Variants in PNCK observed in about 807,000 individuals in gnomAD.
PNCK encodes the protein pregnancy up-regulated nonubiquitous CaM kinase, also known as calcium/calmodulin-dependent protein kinase type 1B.
Under a neutral mutation model 28.3 loss-of-function variants are expected in PNCK, and 21 were observed. That is an observed-to-expected ratio of 0.74 (90% CI 0.53 to 1.07). PNCK has a LOEUF of 1.07. PNCK is among the 50% of genes least tolerant of loss of function. The pLI is 0.00. For missense variants in PNCK, 250 were observed against 298.3 expected (o/e 0.84, Z 1.19); for synonymous variants, 136 against 125.2 (o/e 1.09, Z -0.58).
intron 11 of PNCK, 98 bp downstream of exon 11, chrX:153,670,352 G>A (rs2091277923): frequency 2.7e-6 from 3 of 1,123,063 alleles, no homozygotes; most frequent in South Asian, 4.0e-5. Flanking sequence ...TGGCCTGTGG[G>A]GGCCACCCCA....
chrX:153,684,893 C>T (rs1358790619), intron 1 of PNCK, among the ~76,000 whole-genome samples: 1 of 99,460 alleles, frequency 1.0e-5, no homozygotes, highest in Admixed American at 1.1e-4. Flanking sequence ...CCCCCAGCCC[C>T]AGCTGGGGCC....
chrX:153,682,663 T>C (rs1478697958), intron 1 of PNCK, among the ~76,000 whole-genome samples: 2 of 111,807 alleles, frequency 1.8e-5, no homozygotes, highest in Non-Finnish European at 3.8e-5. Context: ...TGTGATTTGT[T>C]TCTGCCCCAC....
intron 1 of PNCK, chrX:153,686,655 TTCAG>T (rs2091421332): frequency 8.9e-6 from 1 of 112,229 alleles, no homozygotes; most frequent in South Asian, 3.7e-4. Context: ...CCAGACCAGC[TTCAG>T]TCAAAGGCTG....
At chrX:153,677,662 TATATATATATA>T (rs2091374802), upstream of PNCK, among the ~76,000 whole-genome samples, 2 of 80,640 alleles carry the variant, frequency 2.5e-5, no homozygotes, top group African/African-American at 1.0e-4. Context: ...ATATAGTGTG[TATATATATATA>T]GTGTGTATAT....
chrX:153,677,575 G>GTA (rs201777912), upstream of PNCK, among the ~76,000 whole-genome samples: 14,710 of 98,358 alleles, frequency 0.15, 1,187 homozygotes, highest in African/African-American at 0.28. Context: ...TATATAGTGT[G>GTA]TATATATAGT....
At chrX:153,677,633 GTATATATATAGTGTA>G (rs1183457765), upstream of PNCK, among the ~76,000 whole-genome samples, 1 of 98,826 alleles carries the variant, frequency 1.0e-5, no homozygotes, top group African/African-American at 3.9e-5. Context: ...TATATAGTGT[GTATATATATAGTGTA>G]TATATATAGT....
intron 1 of PNCK, among the ~76,000 whole-genome samples, chrX:153,684,338 C>T (rs1316668602): frequency 8.9e-6 from 1 of 112,371 alleles, no homozygotes; most frequent in Non-Finnish European, 1.9e-5. Flanking sequence ...TAAAACCAGC[C>T]TAATAAAAGT....
chrX:153,679,095 A>G (rs2091382903), upstream of PNCK, among the ~76,000 whole-genome samples: 1 of 111,563 alleles, frequency 9.0e-6, no homozygotes, highest in African/African-American at 3.3e-5. Flanking sequence ...AAAGCTGCTA[A>G]TACTATCGCA....
intron 2 of PNCK, 76 bp from the exon 3 acceptor site, chrX:153,672,773 G>C (rs781801115): frequency 1.2e-5 from 13 of 1,092,081 alleles, no homozygotes; most frequent in Admixed American, 2.6e-5. Flanking sequence ...AGAGTGGAGC[G>C]GGGAGGGCCC....
rs1312955707 is a variant in PNCK, at chrX:153,673,523, C to T, written c.-3+257G>A. On this transcript the variant is annotated intron_variant, in intron 1 of 11. Coordinates refer to ENST00000340888, the MANE Select transcript of PNCK (RefSeq NM_001366977.1). ...CAAGCCGCCCGGGATGCACCTGCGA[C>T]CCCCGCGCGCAGCCACCTGCCAAGA... The T allele has an allele frequency of 1.0e-5, 4 of 381,775 alleles. No individual in the cohort carries two copies. In the African/African-American group the frequency reaches 1.1e-4, roughly 11 times the overall value. The allele number at this position is 381,775 out of a possible 1,213,427, so 31.5% of individuals were successfully genotyped here. A position where few individuals can be genotyped will look rare whatever the true frequency, so the allele number is the denominator to read the frequency against.
At chrX:153,672,247 C>A in intron 3 of PNCK, 47 bp from the exon 4 acceptor site, 1 of 1,143,605 alleles carries the variant, frequency 8.7e-7, no homozygotes, top group Non-Finnish European at 1.2e-6. Flanking sequence ...TCAAGGGGTG[C>A]TCTGTCCTGA....
chrX:153,672,825 C>A, intron 2 of PNCK, 128 bp from the exon 3 acceptor site: 1 of 924,040 alleles, frequency 1.1e-6, no homozygotes, highest in Non-Finnish European at 1.5e-6. Flanking sequence ...CCCTGTGCCA[C>A]CCCCCACCAC....
chrX:153,670,129 G>A lies in PNCK; in HGVS notation c.*9C>T. 2.9e-6 allele frequency: 1 copy of A among 343,204 alleles called. No homozygotes were observed. The highest frequency in any genetic ancestry group is 5.7e-5 in the East Asian group (1 of 17,567). The allele number at this position is 343,204 out of a possible 1,213,427, so 28.3% of individuals were successfully genotyped here. On this transcript the variant is annotated splice_region_variant and 3_prime_UTR_variant, in exon 12 of 12. Transcript: ENST00000340888. ...GTCAGTCCACTTGGCCTCGGCATCT[G>A]CCTGAGAGGGAGAAGCAGAGGGAAA...
At chrX:153,681,000 G>T (rs982840817) in intron 1 of PNCK, among the ~76,000 whole-genome samples, 2 of 94,525 alleles carry the variant, frequency 2.1e-5, no homozygotes, top group Non-Finnish European at 4.0e-5. Context: ...CTGTCCGCCC[G>T]CCTGGGCAAC....
intron 1 of PNCK, chrX:153,673,363 C>T: frequency 1.9e-6 from 2 of 1,073,884 alleles, no homozygotes; most frequent in Non-Finnish European, 2.5e-6. Flanking sequence ...ACACATCCGG[C>T]CGCTTTCCAG....
chrX:153,673,135 G>T (rs1237551956), intron 1 of PNCK, 57 bp from the exon 2 acceptor site: 7 of 1,173,722 alleles, frequency 6.0e-6, no homozygotes, highest in South Asian at 1.9e-5. Context: ...GGGGGCAAGG[G>T]CAGCTTCCTC....
intron 1 of PNCK, among the ~76,000 whole-genome samples, chrX:153,684,287 T>C (rs1159576664): frequency 1.8e-5 from 2 of 112,478 alleles, no homozygotes; most frequent in African/African-American, 6.5e-5. Context: ...TATATGCATG[T>C]AACAGAACCG....
chrX:153,670,339 C>G (rs1392258260), intron 11 of PNCK, 111 bp downstream of exon 11: 14 of 1,072,148 alleles, frequency 1.3e-5, no homozygotes, highest in Non-Finnish European at 1.6e-5. Context: ...GCCTTCAGTC[C>G]TCTGGCCTGT....
chrX:153,687,334 C>T lies in PNCK; in HGVS notation c.-3+97G>A, dbSNP rs369815362. On this transcript the variant is annotated intron_variant, in intron 1 of 3. Coordinates refer to the PNCK transcript ENST00000419804. ...GGGTGGGGGCCGCCGGGGTCATTTA[C>T]CCGGGCCCCTTCTCTGCCTTGATGA... 11 of 316,398 alleles carry T rather than the reference C, an allele frequency of 3.5e-5. No homozygotes were observed. The East Asian group carries it at 1.1e-3, about 31-fold the overall frequency. The allele number at this position is 316,398 out of a possible 1,213,427, so 26.1% of individuals were successfully genotyped here. A position where few individuals can be genotyped will look rare whatever the true frequency, so the allele number is the denominator to read the frequency against.
Sources: allele counts gnomAD v4.1 joint callset (sites outside exome capture counted in the v4.1 genomes callset), GRCh38; gene constraint gnomAD v4.1.1; transcripts MANE v1.5; gene names NCBI Gene and HGNC (gene_info 2026-07-23, HGNC 2026-07-21).